The following TADA2A variants were observed in gnomAD, a reference collection of about 807,000 sequenced individuals.
The protein encoded by TADA2A is transcriptional adapter 2-alpha.
In TADA2A, 38 loss-of-function variants were observed where a neutral mutation model predicts 67.4. That is an observed-to-expected ratio of 0.56 (90% CI 0.44 to 0.74). TADA2A has a LOEUF of 0.74. Among genes scored for constraint, TADA2A ranks in the 30% least tolerant of loss-of-function variants. The pLI is 0.00. For missense variants in TADA2A, 454 were observed against 547.0 expected, an observed-to-expected ratio of 0.83 and a Z score of 1.70; for synonymous variants, 192 against 181.6, an observed-to-expected ratio of 1.06 and a Z score of -0.46.
chr17:37,476,850 T>G lies in TADA2A; in HGVS notation c.1200T>G (p.Ala400=). The change falls in exon 16 of 16, where the codon GCT becomes GCG. Residue 400 remains alanine (A), a synonymous_variant. Transcript: ENST00000615182. ...VPGAYLEYKS[A]LLNECNKQGG... ...GAGCCTATTTAGAATACAAATCTGC[T>G]CTATTGAACGAATGTAACAAGCAAG... is the stretch of plus-strand genomic sequence containing the variant. 1 of 1,614,150 alleles carries G rather than the reference T, an allele frequency of 6.2e-7. No individual in the cohort carries two copies. Among genetic ancestry groups the G allele is most frequent in the Non-Finnish European group, 8.5e-7 (1 of 1,179,996 alleles).
At chr17:37,463,740 G>T (rs1194776388) in intron 10 of TADA2A, among the ~76,000 whole-genome samples, 1 of 151,510 alleles carries the variant, frequency 6.6e-6, no homozygotes, top group Non-Finnish European at 1.5e-5. Context: ...CGCCTCCCAG[G>T]CTCAGGTGAT....
In TADA2A at chr17:37,409,931, C is replaced by T. The variant is rs181171383; in HGVS notation, c.-97-1338C>T. Among the ~76,000 whole-genome samples, 124 of 150,764 alleles carry T rather than the reference C, an allele frequency of 8.2e-4. 1 individual carries two copies. The highest frequency in any genetic ancestry group is 2.8e-3 in the African/African-American group (116 of 41,104). ...CCAGCACTCCAGCACTTTTGGAGGC[C>T]GAGGTGGGCGGATCACTTGAGGCCA... On this transcript the variant is annotated intron_variant, in intron 1 of 15. Coordinates refer to ENST00000615182, the MANE Select transcript of TADA2A (RefSeq NM_001166105.3).
chr17:37,444,809 G>T (rs2053028416), intron 8 of TADA2A, 41 bp downstream of exon 8: 3 of 1,550,974 alleles, frequency 1.9e-6, no homozygotes, highest in Admixed American at 3.3e-5. Flanking sequence ...AGCGCCAACT[G>T]TGTGATGACA....
At position 37,465,594 on chromosome 17, in the gene TADA2A, T is replaced by C. The variant is rs745887449; in HGVS notation, c.823+53T>C. ...ATTTGTGTGTGTATATTTATATAAATAGGAGAGATAATGGTGTGTTTTATG... is the reference window on the plus strand; with the variant it reads ...ATTTGTGTGTGTATATTTATATAAACAGGAGAGATAATGGTGTGTTTTATG... On this transcript the variant is annotated intron_variant, in intron 11 of 15. Coordinates refer to ENST00000615182, the MANE Select transcript of TADA2A (RefSeq NM_001166105.3). 3.1e-6 allele frequency: 5 copies of C among 1,608,114 alleles called. No homozygotes were observed. In the African/African-American group the frequency reaches 4.0e-5, roughly 13 times the overall value.
chr17:37,464,770 C>T lies in TADA2A; in HGVS notation c.713-661C>T, dbSNP rs1161645880. Among the ~76,000 whole-genome samples the T allele has an allele frequency of 6.3e-5, 9 of 143,958 alleles. No homozygotes were observed. In the East Asian group the frequency reaches 1.9e-3, roughly 30 times the overall value. 94.4% of individuals were successfully genotyped at this position (143,958 alleles called of 152,430 possible). On this transcript the variant is annotated intron_variant, in intron 10 of 15. Coordinates refer to ENST00000615182, the MANE Select transcript of TADA2A (RefSeq NM_001166105.3). ...GGAAAATTGCTTGAACCTGGGGAGG[C>T]AGAGGTTACAGTGAGCTGAGATCAC...
intron 1 of TADA2A, chr17:37,407,187 C>T (rs2051591695): frequency 6.6e-6 from 1 of 151,586 alleles, no homozygotes; most frequent in East Asian, 1.9e-4. Context: ...GGGGCCCGCC[C>T]CGCGTCTGGG....
chr17:37,467,987 C>CT (rs1170293372), intron 12 of TADA2A, among the ~76,000 whole-genome samples: 1 of 151,536 alleles, frequency 6.6e-6, no homozygotes, highest in Non-Finnish European at 1.5e-5. Context: ...GAGGCTGAGG[C>CT]ACAAGAATCG....
At chr17:37,432,636 G>A (rs2052603325) in intron 4 of TADA2A, among the ~76,000 whole-genome samples, 1 of 152,150 alleles carries the variant, frequency 6.6e-6, no homozygotes, top group African/African-American at 2.4e-5. Flanking sequence ...TTAGGCTATT[G>A]TGAATAAAGC....
chr17:37,409,767 CA>C (rs71135718), intron 1 of TADA2A, among the ~76,000 whole-genome samples: 2 of 141,862 alleles, frequency 1.4e-5, no homozygotes, highest in African/African-American at 2.5e-5. Flanking sequence ...GACTTAGTCT[CA>C]AAAAAAAACA....
At chr17:37,456,317 A>T (rs1005241478) in intron 8 of TADA2A, among the ~76,000 whole-genome samples, 9 of 152,218 alleles carry the variant, frequency 5.9e-5, no homozygotes, top group Non-Finnish European at 1.0e-4. Context: ...AAGCAAGGGA[A>T]TTACACCATT....
chr17:37,427,037 G>T, intron 4 of TADA2A, 28 bp downstream of exon 4: 1 of 1,547,538 alleles, frequency 6.5e-7, no homozygotes, highest in Non-Finnish European at 8.7e-7. Flanking sequence ...GGGAATTTCT[G>T]TTCACTTTTT....
In TADA2A at chr17:37,479,672, T is replaced by G. The variant is rs9913397; in HGVS notation, c.*2690T>G. On this transcript the variant is annotated 3_prime_UTR_variant, in exon 16 of 16. Transcript: ENST00000615182. ...AACGTTAAAAGTTTCTGCTGGAGTTTTATGCATATTTTTCTCTCTAAGTGG... is the reference window on the plus strand; with the variant it reads ...AACGTTAAAAGTTTCTGCTGGAGTTGTATGCATATTTTTCTCTCTAAGTGG... The G allele has an allele frequency of 1.3e-5, 2 of 152,222 alleles. No homozygotes were observed. The highest frequency in any genetic ancestry group is 2.9e-5 in the Non-Finnish European group (2 of 68,040). 9.4% of individuals were successfully genotyped at this position (152,222 alleles called of 1,614,324 possible).
chr17:37,433,115 T>C (rs933015869), intron 4 of TADA2A, among the ~76,000 whole-genome samples: 6 of 151,874 alleles, frequency 4.0e-5, no homozygotes, highest in African/African-American at 1.5e-4. Context: ...TTAAATTTTC[T>C]TCTTAAAAAT....
chr17:37,441,019 G>A (rs1393310036), intron 6 of TADA2A, among the ~76,000 whole-genome samples: 3 of 151,820 alleles, frequency 2.0e-5, no homozygotes, highest in South Asian at 2.1e-4. Context: ...CACTTGAACC[G>A]GGTAGGCGGA....
chr17:37,427,081 C>A lies in TADA2A; in HGVS notation c.192+72C>A, dbSNP rs138127728. 1.5e-3 allele frequency: 2,048 copies of A among 1,362,284 alleles called. 5 individuals are homozygous for A. The highest frequency in any genetic ancestry group is 1.2e-3 in the Non-Finnish European group (1,153 of 1,001,362). 84.4% of individuals were successfully genotyped at this position (1,362,284 alleles called of 1,614,324 possible). ...TAGACTGGGAAGTAGTTTTTCTTTT[C>A]CATTTTTCTTTAAGCTCTCTTGGAC... On this transcript the variant is annotated intron_variant, in intron 4 of 15. Coordinates refer to ENST00000615182, the MANE Select transcript of TADA2A (RefSeq NM_001166105.3).
intron 6 of TADA2A, among the ~76,000 whole-genome samples, chr17:37,442,053 G>C (rs972718713): frequency 1.3e-5 from 2 of 152,196 alleles, no homozygotes; most frequent in African/African-American, 4.8e-5. Flanking sequence ...AACCCAGTGA[G>C]ATAGGCAGAG....
At chr17:37,409,686 GA>G (rs1426594718) in intron 1 of TADA2A, among the ~76,000 whole-genome samples, 2 of 151,480 alleles carry the variant, frequency 1.3e-5, no homozygotes, top group East Asian at 4.0e-4. Flanking sequence ...AGACTCGCTT[GA>G]ACCCGGGAGG....
chr17:37,415,514 T>A (rs542911903), intron 2 of TADA2A, among the ~76,000 whole-genome samples: 1 of 152,154 alleles, frequency 6.6e-6, no homozygotes, highest in East Asian at 1.9e-4. Flanking sequence ...TTCCTGGAAG[T>A]GAGATTGCTG....
At position 37,442,612 on chromosome 17, in the gene TADA2A, A is replaced by C. The variant is rs767153736; in HGVS notation, c.491A>C (p.Asp164Ala). The stretch of plus-strand genomic sequence containing the variant: ...ACCTTTGACTCCTTGCTTTCTCGGG[A>C]CATGGCCGGGTACATGCCAGCTCGA... ...RPTFDSLLSR[D>A]MAGYMPARAD... Residue 164 changes from aspartate (D) to alanine (A), a missense_variant, in exon 7 of 16, where the codon GAC becomes GCC. Asp to Ala is a moderately radical substitution (Grantham distance 126). Around this residue, in one of 2 missense-constraint regions of TADA2A, gnomAD observed 403 missense variants for 455.5 expected, o/e 0.88. Transcript: ENST00000615182. The C allele has an allele frequency of 6.2e-7, 1 of 1,614,046 alleles. No individual in the cohort carries two copies. The highest frequency in any genetic ancestry group is 8.5e-7 in the Non-Finnish European group (1 of 1,179,982).
Sources: allele counts gnomAD v4.1 joint callset (sites outside exome capture counted in the v4.1 genomes callset), GRCh38; gene constraint gnomAD v4.1.1; regional missense constraint gnomAD v4.1.1; transcripts MANE v1.5; gene names NCBI Gene and HGNC (gene_info 2026-07-23, HGNC 2026-07-21).